The following SEMA3E variants were observed in gnomAD, a reference collection of about 807,000 sequenced individuals.
SEMA3E encodes the protein semaphorin 3E.
A neutral mutation model predicts 93.6 loss-of-function variants in SEMA3E; 49 were observed. The observed-to-expected ratio is 0.52, with a 90% CI of 0.42 to 0.66. The LOEUF (loss-of-function observed/expected upper bound fraction) is 0.66, where lower values mean the gene tolerates loss of function less well. SEMA3E is among the 30% of genes least tolerant of loss of function. SEMA3E has a pLI of 0.00. For missense variants in SEMA3E, 906 were observed against 964.8 expected (o/e 0.94, Z 0.81); for synonymous variants, 363 against 330.7 (o/e 1.10, Z -1.06).
At chr7:83,390,488 AAGT>A (rs1787997555) in intron 14 of SEMA3E, among the ~76,000 whole-genome samples, 1 of 152,226 alleles carries the variant, frequency 6.6e-6, no homozygotes, top group Admixed American at 6.5e-5. Flanking sequence ...CATTTTAAAC[AAGT>A]GGTTTGGATT....
intron 14 of SEMA3E, among the ~76,000 whole-genome samples, chr7:83,388,808 C>CCT (rs1554318245): frequency 1.1e-4 from 16 of 141,156 alleles, no homozygotes; most frequent in Non-Finnish European, 2.1e-4. Context: ...CTATTTCAGT[C>CCT]TTTTTTTTTT....
intron 1 of SEMA3E, among the ~76,000 whole-genome samples, chr7:83,626,422 G>T (rs931416952): frequency 6.6e-6 from 1 of 151,982 alleles, no homozygotes; most frequent in Non-Finnish European, 1.5e-5. Context: ...CTTCCTCCTG[G>T]TTTAATCTTG....
At chr7:83,388,338 T>G (rs537572227) in intron 14 of SEMA3E, among the ~76,000 whole-genome samples, 1 of 146,244 alleles carries the variant, frequency 6.8e-6, no homozygotes, top group African/African-American at 2.5e-5. Context: ...AAAATATATA[T>G]ATATCTTTAA....
rs541713076 is a variant in SEMA3E at position 83,441,873 on chromosome 7, G to A, written c.457-23390C>T. On this transcript the variant is annotated intron_variant, in intron 4 of 16. Coordinates refer to ENST00000643230, the MANE Select transcript of SEMA3E (RefSeq NM_012431.3). ...TGCAAGACAATGTAAGCTGGTGAGAGTGTTTTTTGTTTTATTTTTTTCCAA... is the reference window on the plus strand; with the variant it reads ...TGCAAGACAATGTAAGCTGGTGAGAATGTTTTTTGTTTTATTTTTTTCCAA... Among the ~76,000 whole-genome samples the A allele has an allele frequency of 9.2e-5, 14 of 152,312 alleles. No homozygotes were observed. In the Middle Eastern group the frequency reaches 0.017, roughly 185 times the overall value.
chr7:83,551,923 T>C (rs183344), intron 1 of SEMA3E, among the ~76,000 whole-genome samples: 87,366 of 151,642 alleles, frequency 0.58, 26,981 homozygotes, highest in African/African-American at 0.81. Flanking sequence ...AACCTCAGTG[T>C]TGCCACTATT....
intron 16 of SEMA3E, among the ~76,000 whole-genome samples, chr7:83,381,921 A>T (rs1787785925): frequency 6.6e-6 from 1 of 151,968 alleles, no homozygotes; most frequent in South Asian, 2.1e-4. Flanking sequence ...TAGAGTGGCG[A>T]TGGTTCAAAT....
chr7:83,455,187 C>T (rs1789455674), intron 4 of SEMA3E, among the ~76,000 whole-genome samples: 1 of 152,168 alleles, frequency 6.6e-6, no homozygotes, highest in Non-Finnish European at 1.5e-5. Flanking sequence ...TATAAATATG[C>T]TCTAAATAAA....
intron 4 of SEMA3E, among the ~76,000 whole-genome samples, chr7:83,424,178 G>A (rs375305984): frequency 2.6e-5 from 4 of 152,050 alleles, no homozygotes; most frequent in Admixed American, 2.0e-4. Context: ...GGTAGACAAC[G>A]TCAGATTAGA....
rs780631414 is a variant in SEMA3E, at chr7:83,392,504, ATTAGGG to A, written c.1667+45_1667+50del. 8.3e-6 allele frequency: 13 copies of A among 1,559,876 alleles called. No individual in the cohort carries two copies. In the East Asian group the frequency reaches 2.7e-4, roughly 33 times the overall value. ...AAGTTAAAAAAAAAAAAAAAAAAGC[ATTAGGG>A]TTTTCCTAAGCAAGGGAAATAGTTA... is the stretch of plus-strand genomic sequence containing the variant. On this transcript the variant is annotated intron_variant, in intron 14 of 16. Coordinates refer to ENST00000643230, the MANE Select transcript of SEMA3E (RefSeq NM_012431.3).
At chr7:83,479,378 CTATCT>C (rs1038979973) in intron 2 of SEMA3E, among the ~76,000 whole-genome samples, 1 of 152,146 alleles carries the variant, frequency 6.6e-6, no homozygotes, top group Non-Finnish European at 1.5e-5. Flanking sequence ...GTATATCTAT[CTATCT>C]TGTCTACTGT....
At chr7:83,520,664 G>T (rs1462257739) in intron 1 of SEMA3E, among the ~76,000 whole-genome samples, 5 of 152,136 alleles carry the variant, frequency 3.3e-5, no homozygotes, top group Admixed American at 3.3e-4. Context: ...CCGTATTTAA[G>T]ATACTTAATA....
At chr7:83,436,314 G>T (rs1474388118) in intron 4 of SEMA3E, among the ~76,000 whole-genome samples, 1 of 147,470 alleles carries the variant, frequency 6.8e-6, no homozygotes, top group African/African-American at 2.5e-5. Flanking sequence ...AAGAAAATGT[G>T]GGGGAGGAAG....
Position 83,648,538 on chromosome 7 carries a change from G to C in SEMA3E, c.5C>G (p.Ala2Gly), listed in dbSNP as rs763295904. 27 of 1,612,420 alleles carry C rather than the reference G, an allele frequency of 1.7e-5. No homozygotes were observed. The highest frequency in any genetic ancestry group is 2.7e-5 in the African/African-American group (2 of 74,766). The change falls in exon 1 of 17, where the codon GCA becomes GGA. Residue 2 changes from alanine to glycine, a missense_variant. Physicochemically the swap from Ala to Gly is moderately conservative, Grantham distance 60. Coordinates refer to ENST00000643230, the MANE Select transcript of SEMA3E (RefSeq NM_012431.3). MASAGHIITLLL... is the reference protein window; with the variant it reads MGSAGHIITLLL... ...CAAGGTGATAATGTGCCCCGCGGAT[G>C]CCATGCTGCCGTGTTCACCGTCCAA...
intron 4 of SEMA3E, among the ~76,000 whole-genome samples, chr7:83,454,234 G>A (rs1391551323): frequency 1.5e-5 from 2 of 133,516 alleles, no homozygotes; most frequent in African/African-American, 2.9e-5. Flanking sequence ...CTCCAGCGTG[G>A]GCGACAGAGC....
chr7:83,408,679 T>C (rs1788374884), intron 5 of SEMA3E, among the ~76,000 whole-genome samples, 192 bp from the exon 6 acceptor site: 1 of 152,198 alleles, frequency 6.6e-6, no homozygotes. Context: ...AGGTGTGAAC[T>C]TGGGCAAGTT....
intron 1 of SEMA3E, among the ~76,000 whole-genome samples, chr7:83,631,954 G>A (rs570541818): frequency 1.3e-5 from 2 of 152,158 alleles, no homozygotes; most frequent in East Asian, 1.9e-4. Context: ...TCAGGAGTTC[G>A]AGACCAGCCT....
At chr7:83,450,530 A>G (rs1356067797) in intron 4 of SEMA3E, among the ~76,000 whole-genome samples, 1 of 152,200 alleles carries the variant, frequency 6.6e-6, no homozygotes, top group African/African-American at 2.4e-5. Context: ...TGATTCCATT[A>G]CATAAAATTC....
intron 1 of SEMA3E, among the ~76,000 whole-genome samples, chr7:83,525,859 T>C (rs1428005662): frequency 1.3e-5 from 2 of 151,380 alleles, no homozygotes; most frequent in South Asian, 2.1e-4. Flanking sequence ...TTGGGTTGTA[T>C]ACTTGTGTTT....
At chr7:83,552,665 C>A (rs559470126) in intron 1 of SEMA3E, among the ~76,000 whole-genome samples, 1 of 152,144 alleles carries the variant, frequency 6.6e-6, no homozygotes, top group Non-Finnish European at 1.5e-5. Context: ...CTATAAATGG[C>A]TGCTCTGGGA....
Sources: allele counts gnomAD v4.1 joint callset (sites outside exome capture counted in the v4.1 genomes callset), GRCh38; gene constraint gnomAD v4.1.1; transcripts MANE v1.5; gene names NCBI Gene and HGNC (gene_info 2026-07-23, HGNC 2026-07-21).